FBXO4: variants seen among roughly 807,000 people sequenced by gnomAD.
FBXO4 encodes F-box protein 4, also known as F-box only protein 4.
FBXO4 carries 36 observed loss-of-function variants against 43.7 expected under a neutral mutation model. The ratio of observed to expected loss-of-function variants is 0.82; its 90% confidence interval spans 0.63 to 1.09. The LOEUF (loss-of-function observed/expected upper bound fraction) is 1.09. Among genes scored for constraint, FBXO4 ranks in the 50% least tolerant of loss-of-function variants. FBXO4 has a pLI of 0.00. For missense variants in FBXO4, 435 were observed against 474.1 expected, an observed-to-expected ratio of 0.92 and a Z score of 0.77; for synonymous variants, 180 against 165.6, an observed-to-expected ratio of 1.09 and a Z score of -0.67.
chr5:41,950,921 A>G, the FBXO4 span, among the ~76,000 whole-genome samples: 1 of 152,226 alleles, frequency 6.6e-6, no homozygotes, highest in Admixed American at 6.5e-5. Flanking sequence ...AGGGGCATGG[A>G]TGAAGTTGGA....
the FBXO4 span, among the ~76,000 whole-genome samples, chr5:42,035,798 A>AT: frequency 6.6e-6 from 1 of 152,068 alleles, no homozygotes; most frequent in Non-Finnish European, 1.5e-5. Flanking sequence ...TGCACTTTCC[A>AT]TTTTTTCACA....
At chr5:41,980,771 G>A in the FBXO4 span, among the ~76,000 whole-genome samples, 1 of 150,966 alleles carries the variant, frequency 6.6e-6, no homozygotes. Context: ...AGCTACCTGT[G>A]TATTTTTTTT....
Position 41,925,317 on chromosome 5 carries a change from G to GT in FBXO4, c.8_9insT (p.Ser4LysfsTer51), listed in dbSNP as rs1331059237. ...CCACGCTGCGGGCAAGCCATGGCGG[G>GT]AAGCGAGCCGCGCAGCGGAACAAAC... On this transcript the variant is annotated frameshift_variant, in exon 1 of 7. Transcript: ENST00000281623. LOFTEE classifies it high-confidence loss of function. The GT allele has an allele frequency of 7.5e-7, 1 of 1,342,202 alleles. No homozygotes were observed. The highest frequency in any genetic ancestry group is 4.1e-5 in the Admixed American group (1 of 24,662). 83.1% of individuals were successfully genotyped at this position (1,342,202 alleles called of 1,614,324 possible).
chr5:41,943,097 A>G (rs962362883), downstream of FBXO4, among the ~76,000 whole-genome samples: 2 of 152,140 alleles, frequency 1.3e-5, no homozygotes, highest in Admixed American at 1.3e-4. Flanking sequence ...TGAGACCCAG[A>G]GAAAAGAATT....
At chr5:41,968,209 T>C in the FBXO4 span, 6 of 229,764 alleles carry the variant, frequency 2.6e-5, 2 homozygotes, top group South Asian at 4.0e-4. Flanking sequence ...AAAGCTTAGC[T>C]CATAAGAGCA....
chr5:41,934,164 A>AGG lies in FBXO4; in HGVS notation c.754_755insGG (p.Thr252ArgfsTer25). 6.2e-7 allele frequency: 1 copy of AGG among 1,614,088 alleles called. No individual in the cohort carries two copies. Among genetic ancestry groups the AGG allele is most frequent in the Non-Finnish European group, 8.5e-7 (1 of 1,179,986 alleles). ...AAGAGATAGAGCAAGGGAAGAGCAT[A>AGG]CAAGTGCAGTTAACAAGATGTTCAG... On this transcript the variant is annotated frameshift_variant, in exon 5 of 7. Transcript: ENST00000281623. LOFTEE classifies it high-confidence loss of function.
downstream of FBXO4, among the ~76,000 whole-genome samples, chr5:41,943,966 C>G: frequency 6.6e-6 from 1 of 152,184 alleles, no homozygotes; most frequent in Non-Finnish European, 1.5e-5. Flanking sequence ...AGGTGGCCAT[C>G]TGCAAGCCAA....
At chr5:42,021,468 G>T in the FBXO4 span, among the ~76,000 whole-genome samples, 6 of 152,056 alleles carry the variant, frequency 3.9e-5, no homozygotes, top group Non-Finnish European at 7.4e-5. Context: ...GACAGAGAAT[G>T]GTATGGAATC....
At chr5:41,939,280 TAAAC>T in intron 5 of FBXO4, 157 bp from the exon 6 acceptor site, 3 of 545,172 alleles carry the variant, frequency 5.5e-6, no homozygotes, top group African/African-American at 1.9e-5. Flanking sequence ...TTTTTGCTTT[TAAAC>T]TGTGGAGACA....
At chr5:41,995,939 C>G in the FBXO4 span, among the ~76,000 whole-genome samples, 3 of 152,218 alleles carry the variant, frequency 2.0e-5, no homozygotes, top group Admixed American at 2.0e-4. Context: ...CACTACTGTC[C>G]TTCAGGCATG....
At chr5:41,999,492 T>TATATGTGTGTATATATATATAC in the FBXO4 span, among the ~76,000 whole-genome samples, 3 of 52,656 alleles carry the variant, frequency 5.7e-5, no homozygotes, top group African/African-American at 1.7e-4. Context: ...TATATATATA[T>TATATGTGTGTATATATATATAC]ACATATATAT....
the FBXO4 span, among the ~76,000 whole-genome samples, chr5:42,003,619 A>T: frequency 6.6e-6 from 1 of 151,166 alleles, no homozygotes; most frequent in Non-Finnish European, 1.5e-5. Context: ...TGGTGCACCC[A>T]TTAATTCTTC....
the FBXO4 span, among the ~76,000 whole-genome samples, chr5:41,971,234 A>ATG: frequency 0.089 from 12,579 of 141,338 alleles, 697 homozygotes; most frequent in African/African-American, 0.16. Context: ...GTGTGTGTGT[A>ATG]TGTGTGTGTG....
chr5:41,947,811 A>C, the FBXO4 span, among the ~76,000 whole-genome samples: 2 of 152,176 alleles, frequency 1.3e-5, no homozygotes, highest in African/African-American at 4.8e-5. Context: ...CTACAGTGTA[A>C]TCATGGGAGG....
At chr5:41,982,939 A>G in the FBXO4 span, among the ~76,000 whole-genome samples, 531 of 151,656 alleles carry the variant, frequency 3.5e-3, 2 homozygotes, top group African/African-American at 0.012. Flanking sequence ...TCATTGTTCA[A>G]CTCCCATTTA....
chr5:41,948,481 A>G, the FBXO4 span, among the ~76,000 whole-genome samples: 22 of 152,080 alleles, frequency 1.4e-4, no homozygotes, highest in Admixed American at 1.0e-3. Context: ...GGAATGTAAT[A>G]TATTTTCTTT....
chr5:41,993,780 G>A, the FBXO4 span, among the ~76,000 whole-genome samples: 3 of 152,046 alleles, frequency 2.0e-5, no homozygotes, highest in Non-Finnish European at 2.9e-5. Context: ...GGAACTTGGA[G>A]TCTGATGTTC....
chr5:42,007,699 T>TGG, the FBXO4 span, among the ~76,000 whole-genome samples: 5 of 152,136 alleles, frequency 3.3e-5, no homozygotes, highest in African/African-American at 9.7e-5. Flanking sequence ...TCCAACTCAT[T>TGG]GGGCATCAAT....
chr5:41,931,397 C>G (rs539595792), intron 3 of FBXO4, among the ~76,000 whole-genome samples: 10 of 152,140 alleles, frequency 6.6e-5, no homozygotes, highest in Non-Finnish European at 8.8e-5. Context: ...TAATAAATCA[C>G]TGGAGAAGTT....
Sources: allele counts gnomAD v4.1 joint callset (sites outside exome capture counted in the v4.1 genomes callset), GRCh38; gene constraint gnomAD v4.1.1; transcripts MANE v1.5; gene names NCBI Gene and HGNC (gene_info 2026-07-23, HGNC 2026-07-21).